DOCK9: variants seen among roughly 807,000 people sequenced by gnomAD.
DOCK9 encodes the protein dedicator of cytokinesis 9, also known as dedicator of cytokinesis protein 9.
A neutral mutation model predicts 263.3 loss-of-function variants in DOCK9; 89 were observed. The observed-to-expected ratio is 0.34, with a 90% CI of 0.28 to 0.40. The LOEUF (loss-of-function observed/expected upper bound fraction) is 0.40. Among genes scored for constraint, DOCK9 ranks in the 10% least tolerant of loss-of-function variants. The pLI is 1.00. For synonymous variants in DOCK9, 976 were observed against 973.1 expected, an observed-to-expected ratio of 1.00 and a Z score of -0.06; for missense variants, 2,140 against 2,603.4, an observed-to-expected ratio of 0.82 and a Z score of 3.87.
In DOCK9 at chr13:98,888,405, A is replaced by C. The variant is rs2046128332; in HGVS notation, c.1932T>G (p.Val644=). The change falls in exon 17 of 53, where the codon GTT becomes GTG. Residue 644 remains valine, a synonymous_variant. Coordinates refer to ENST00000682017, the MANE Select transcript of DOCK9 (RefSeq NM_001366683.2). ...TGTCGTATTTCAAGTACTTAGGATA[A>C]ACGTAAAGGTGATTGGTGTAGATGG... ...PYTIYTNHLY[V]YPKYLKYDSQ... 6.2e-7 allele frequency: 1 copy of C among 1,613,944 alleles called. No homozygotes were observed. Among genetic ancestry groups the C allele is most frequent in the Admixed American group, 1.7e-5 (1 of 60,028 alleles).
At chr13:99,040,459 TTC>T (rs1888349936) in intron 1 of DOCK9, among the ~76,000 whole-genome samples, 1 of 152,186 alleles carries the variant, frequency 6.6e-6, no homozygotes, top group Middle Eastern at 3.2e-3. Context: ...GATGCTGACT[TTC>T]TGAGAAACCA....
At chr13:99,020,130 G>C (rs1023165132) in intron 1 of DOCK9, among the ~76,000 whole-genome samples, 1 of 152,084 alleles carries the variant, frequency 6.6e-6, no homozygotes, top group Non-Finnish European at 1.5e-5. Flanking sequence ...AAGAATGAGG[G>C]TGGGGAGAAT....
chr13:98,850,409 G>A lies in DOCK9; in HGVS notation c.3947-296C>T, dbSNP rs114093892. Among the ~76,000 whole-genome samples, 1,191 of 152,302 alleles carry A rather than the reference G, an allele frequency of 7.8e-3. 17 individuals are homozygous for A. The highest frequency in any genetic ancestry group is 0.027 in the African/African-American group (1,136 of 41,564). On this transcript the variant is annotated intron_variant, in intron 35 of 52. Transcript: ENST00000682017. ...CTTATTCGTAACATGCTCTTAAATA[G>A]ACTAGAAAATTCAAAGAATACAAGT...
Position 99,086,296 on chromosome 13 carries a change from GC to G in DOCK9, c.55del (p.Ala19ArgfsTer2). The G allele has an allele frequency of 3.4e-6, 5 of 1,491,124 alleles. No homozygotes were observed. The highest frequency in any genetic ancestry group is 4.4e-6 in the Non-Finnish European group (5 of 1,126,776). The allele number at this position is 1,491,124 out of a possible 1,614,324, so 92.4% of individuals were successfully genotyped here. The stretch of plus-strand genomic sequence containing the variant: ...GGCCGCCGTGCCCGGCTTACTCAGC[GC>G]CCGGGTGAACTTCCGAGTCTCCGCC... On this transcript the variant is annotated frameshift_variant, in exon 1 of 33. Coordinates refer to the DOCK9 transcript ENST00000427887. LOFTEE classifies it high-confidence loss of function.
At chr13:98,979,056 G>A (rs1054669327), upstream of DOCK9, among the ~76,000 whole-genome samples, 4 of 152,070 alleles carry the variant, frequency 2.6e-5, no homozygotes, top group African/African-American at 7.2e-5. Context: ...CATGGATACC[G>A]CAGAGCTTTT....
chr13:98,846,148 G>A, intron 37 of DOCK9, 88 bp from the exon 38 acceptor site: 7 of 1,452,578 alleles, frequency 4.8e-6, no homozygotes, highest in Non-Finnish European at 5.6e-6. Flanking sequence ...CCAGAACATG[G>A]CACGAGGGAG....
At chr13:99,010,382 T>G (rs1288671201) in intron 1 of DOCK9, among the ~76,000 whole-genome samples, 2 of 152,222 alleles carry the variant, frequency 1.3e-5, no homozygotes, top group African/African-American at 4.8e-5. Flanking sequence ...ATTGACAATG[T>G]GTTTTGTTTC....
At chr13:98,989,376 A>G (rs1330015775) in intron 1 of DOCK9, among the ~76,000 whole-genome samples, 11 of 120,980 alleles carry the variant, frequency 9.1e-5, no homozygotes, top group Admixed American at 3.9e-4. Flanking sequence ...TAATAATAAT[A>G]ATGATAATAC....
chr13:98,952,386 C>A lies in DOCK9; in HGVS notation c.243+3049G>T, dbSNP rs189375253. On this transcript the variant is annotated intron_variant, in intron 2 of 52. Coordinates refer to ENST00000682017, the MANE Select transcript of DOCK9 (RefSeq NM_001366683.2). ...GAGTAGCTGGGATTACAGGCATGCA[C>A]CACCATGCCTGGCTAATTTTTGTAT... 2.1e-3 allele frequency among the ~76,000 whole-genome samples: 313 copies of A among 152,150 alleles called. 1 individual carries two copies. The highest frequency in any genetic ancestry group is 7.0e-3 in the African/African-American group (292 of 41,500).
chr13:99,000,902 G>A (rs1189741010), intron 1 of DOCK9, among the ~76,000 whole-genome samples: 3 of 152,206 alleles, frequency 2.0e-5, no homozygotes, highest in Non-Finnish European at 4.4e-5. Context: ...AAAAAGATGA[G>A]TGGCAGTGGA....
At chr13:99,016,986 T>C (rs1335604552) in intron 1 of DOCK9, among the ~76,000 whole-genome samples, 1 of 152,210 alleles carries the variant, frequency 6.6e-6, no homozygotes, top group Non-Finnish European at 1.5e-5. Flanking sequence ...GTCTGTTTTC[T>C]ATGAGTAGTT....
intron 37 of DOCK9, chr13:98,847,096 C>T (rs2093416192): frequency 6.4e-6 from 1 of 156,818 alleles, no homozygotes; most frequent in Admixed American, 6.0e-5. Context: ...ATACGTTAAC[C>T]ATTTCACAAA....
At chr13:99,021,551 A>C (rs530529483) in intron 1 of DOCK9, among the ~76,000 whole-genome samples, 11 of 151,046 alleles carry the variant, frequency 7.3e-5, no homozygotes, top group African/African-American at 2.4e-4. Context: ...AGACAGGAGA[A>C]TGGCGTGAAC....
chr13:98,979,588 T>G (rs938522697), upstream of DOCK9, among the ~76,000 whole-genome samples: 22 of 152,208 alleles, frequency 1.4e-4, no homozygotes, highest in African/African-American at 5.1e-4. Context: ...AAAGGATCAA[T>G]GAGTCCATCA....
intron 2 of DOCK9, among the ~76,000 whole-genome samples, chr13:98,930,859 G>A (rs1187171707): frequency 6.6e-6 from 1 of 152,150 alleles, no homozygotes; most frequent in Non-Finnish European, 1.5e-5. Context: ...GATCAGGCTG[G>A]TCTCGAACTC....
intron 48 of DOCK9, 39 bp from the exon 49 acceptor site, chr13:98,805,248 T>G: frequency 6.6e-7 from 1 of 1,517,348 alleles, no homozygotes; most frequent in East Asian, 2.3e-5. Flanking sequence ...TGGTGCTCCA[T>G]GAAGGAATCA....
At chr13:99,027,900 C>G (rs1667912804) in intron 1 of DOCK9, among the ~76,000 whole-genome samples, 1 of 152,140 alleles carries the variant, frequency 6.6e-6, no homozygotes, top group African/African-American at 2.4e-5. Flanking sequence ...AGCAGGTGAC[C>G]CAGCGGAAGA....
In DOCK9 at chr13:98,837,591, G is replaced by C; in HGVS notation, c.4217C>G (p.Ala1406Gly). The change falls in exon 39 of 53, where the codon GCA becomes GGA. Residue 1406 changes from alanine (A) to glycine (G), a missense_variant. Ala to Gly is a moderately conservative substitution (Grantham distance 60). Coordinates refer to ENST00000682017, the MANE Select transcript of DOCK9 (RefSeq NM_001366683.2). ...AAGTAATGACTGGTGCAGAACATCTGCGTCCGAGTGGCCATAGCCTGCATG... is the reference window on the plus strand; with the variant it reads ...AAGTAATGACTGGTGCAGAACATCTCCGTCCGAGTGGCCATAGCCTGCATG... ...TFNHSYGHSD[A>G]DVLHQSLLEA... 1 of 1,613,482 alleles carries C rather than the reference G, an allele frequency of 6.2e-7. No homozygotes were observed. The highest frequency in any genetic ancestry group is 1.1e-5 in the South Asian group (1 of 90,996).
At chr13:98,937,329 A>G (rs2055024069) in intron 2 of DOCK9, among the ~76,000 whole-genome samples, 1 of 152,232 alleles carries the variant, frequency 6.6e-6, no homozygotes, top group Non-Finnish European at 1.5e-5. Context: ...ACATAATTTC[A>G]AAATAAAAGC....
Sources: allele counts gnomAD v4.1 joint callset (sites outside exome capture counted in the v4.1 genomes callset), GRCh38; gene constraint gnomAD v4.1.1; transcripts MANE v1.5; gene names NCBI Gene and HGNC (gene_info 2026-07-23, HGNC 2026-07-21).